The following L1TD1 variants were observed in gnomAD, a reference collection of about 807,000 sequenced individuals.
L1TD1 encodes the protein LINE1 type transposase domain containing 1, also known as LINE-1 type transposase domain-containing protein 1.
A neutral mutation model predicts 25.7 loss-of-function variants in L1TD1; 26 were observed. The ratio of observed to expected loss-of-function variants is 1.01; its 90% CI spans 0.74 to 1.40. The LOEUF is 1.40. L1TD1 is among the 40% of genes most tolerant of loss of function. L1TD1 has a pLI of 0.00. For synonymous variants in L1TD1, 421 were observed against 335.6 expected (o/e 1.25, Z -2.78); for missense variants, 1,130 against 975.0 (o/e 1.16, Z -2.12).
At position 62,206,654 on chromosome 1, in the gene L1TD1, A is replaced by C; in HGVS notation, c.26A>C (p.Gln9Pro). 6.5e-7 allele frequency: 1 copy of C among 1,545,948 alleles called. No homozygotes were observed. Among genetic ancestry groups the C allele is most frequent in the Non-Finnish European group, 8.7e-7 (1 of 1,145,244 alleles). ...ATGTCTGATGTATCTACTAGTGTAC[A>C]ATCAAAATTTGCTAGACTTGCAAAG... Reference protein sequence around the residue: MSDVSTSVQSKFARLAKKK... With the variant: MSDVSTSVPSKFARLAKKK... Residue 9 changes from glutamine to proline, a missense_variant, in exon 3 of 4, where the codon CAA becomes CCA. Coordinates refer to ENST00000498273, the MANE Select transcript of L1TD1 (RefSeq NM_019079.5).
intron 2 of L1TD1, among the ~76,000 whole-genome samples, chr1:62,196,820 G>C (rs1670551998): frequency 6.6e-6 from 1 of 152,002 alleles, no homozygotes; most frequent in South Asian, 2.1e-4. Flanking sequence ...TCGAGCTCCT[G>C]ACCTCAGGTG....
chr1:62,205,192 CA>C (rs112608532), intron 2 of L1TD1, among the ~76,000 whole-genome samples: 2 of 149,132 alleles, frequency 1.3e-5, no homozygotes, highest in Non-Finnish European at 1.5e-5. Flanking sequence ...ACTAAAAATA[CA>C]AAAAAAAATT....
At chr1:62,201,207 G>A (rs1176836872) in intron 2 of L1TD1, among the ~76,000 whole-genome samples, 1 of 152,076 alleles carries the variant, frequency 6.6e-6, no homozygotes, top group Non-Finnish European at 1.5e-5. Flanking sequence ...GGGATTACAG[G>A]CATAAGCCAC....
rs2149097402 is a variant in L1TD1 at position 62,196,426 on chromosome 1, G to A, written c.-204-9G>A. The A allele has an allele frequency of 6.6e-6, 1 of 152,264 alleles. No homozygotes were observed. The highest frequency in any genetic ancestry group is 2.1e-4 in the South Asian group (1 of 4,816). 9.4% of individuals were successfully genotyped at this position (152,264 alleles called of 1,614,324 possible). On this transcript the variant is annotated splice_polypyrimidine_tract_variant and intron_variant, in intron 1 of 3. Coordinates refer to ENST00000498273, the MANE Select transcript of L1TD1 (RefSeq NM_019079.5). ...AACTTTGGTGTTATGAACTTGACTT[G>A]AATTCTAGGCACCAAGGCACAGCTT...
intron 2 of L1TD1, among the ~76,000 whole-genome samples, chr1:62,205,377 CT>C: frequency 1.2e-5 from 1 of 80,664 alleles, no homozygotes; most frequent in Non-Finnish European, 2.5e-5. Context: ...CTCTCTTTCT[CT>C]CTCTCTCTCT....
Position 62,210,467 on chromosome 1 carries a change from A to G in L1TD1, c.1693A>G (p.Ser565Gly), listed in dbSNP as rs754759991. 5 of 1,614,100 alleles carry G rather than the reference A, an allele frequency of 3.1e-6. No homozygotes were observed. The highest frequency in any genetic ancestry group is 4.2e-6 in the Non-Finnish European group (5 of 1,180,050). ...LASPSKSLEMSHDEHKKHSHT... is the reference protein window; with the variant it reads ...LASPSKSLEMGHDEHKKHSHT... ...CTCTCCCTCAAAGTCACTAGAGATGAGTCATGATGAGCATAAAAAGCATTC... is the reference window on the plus strand; with the variant it reads ...CTCTCCCTCAAAGTCACTAGAGATGGGTCATGATGAGCATAAAAAGCATTC... The change falls in exon 4 of 4, where the codon AGT becomes GGT. Residue 565 changes from serine to glycine, a missense_variant. Coordinates refer to ENST00000498273, the MANE Select transcript of L1TD1 (RefSeq NM_019079.5).
chr1:62,202,214 C>T (rs1275046426), intron 2 of L1TD1, among the ~76,000 whole-genome samples: 1 of 151,840 alleles, frequency 6.6e-6, no homozygotes, highest in Non-Finnish European at 1.5e-5. Context: ...GCAGGAGAAT[C>T]GCTTGAACCT....
rs1444820896 is a variant in L1TD1, at chr1:62,210,442, C to G, written c.1668C>G (p.Ala556=). 6.2e-7 allele frequency: 1 copy of G among 1,614,116 alleles called. No homozygotes were observed. The highest frequency in any genetic ancestry group is 1.1e-5 in the South Asian group (1 of 91,078). Reference sequence around the variant, plus strand: ...CACCCTGTCTGACCTTATGTTTGGCCTCTCCCTCAAAGTCACTAGAGATGA... The same window carrying G: ...CACCCTGTCTGACCTTATGTTTGGCGTCTCCCTCAAAGTCACTAGAGATGA... ...TGTPCLTLCL[A]SPSKSLEMSH... Residue 556 remains alanine, a synonymous_variant, in exon 4 of 4, where the codon GCC becomes GCG. Coordinates refer to ENST00000498273, the MANE Select transcript of L1TD1 (RefSeq NM_019079.5).
chr1:62,210,874 C>G lies in L1TD1; in HGVS notation c.2100C>G (p.Cys700Trp), dbSNP rs1670854047. 3 of 1,551,156 alleles carry G rather than the reference C, an allele frequency of 1.9e-6. No individual in the cohort carries two copies. In the African/African-American group the frequency reaches 4.1e-5, roughly 21 times the overall value. ...ATATAGAGGAGAGATCTAGAAGTTGCAACATTCGTTTGATAGGAATTCCAG... is the reference window on the plus strand; with the variant it reads ...ATATAGAGGAGAGATCTAGAAGTTGGAACATTCGTTTGATAGGAATTCCAG... ...QRDIEERSRS[C>W]NIRLIGIPEK... Residue 700 changes from cysteine to tryptophan, a missense_variant, in exon 4 of 4, where the codon TGC (cysteine) becomes TGG (tryptophan). By Grantham distance (215) the Cys-to-Trp change is radical (BLOSUM62 -2). Coordinates refer to ENST00000498273, the MANE Select transcript of L1TD1 (RefSeq NM_019079.5).
rs761556976 is a variant in L1TD1 at position 62,211,215 on chromosome 1, T to C, written c.2441T>C (p.Leu814Pro). 6.4e-7 allele frequency: 1 copy of C among 1,557,498 alleles called. No homozygotes were observed. The highest frequency in any genetic ancestry group is 2.0e-5 in the Admixed American group (1 of 51,226). ...AAATGGAGCAATGTCTTCAAAGTTCTGCTGGAAAAAGGCTTTAATCCTAGA... is the reference window on the plus strand; with the variant it reads ...AAATGGAGCAATGTCTTCAAAGTTCCGCTGGAAAAAGGCTTTAATCCTAGA... ...RSKWSNVFKV[L>P]LEKGFNPRIL... Residue 814 changes from leucine (L) to proline (P), a missense_variant, in exon 4 of 4, where the codon CTG becomes CCG. Leu to Pro is a moderately conservative substitution (Grantham distance 98, BLOSUM62 -3). Coordinates refer to ENST00000498273, the MANE Select transcript of L1TD1 (RefSeq NM_019079.5).
chr1:62,204,309 C>T (rs1670694925), intron 2 of L1TD1, among the ~76,000 whole-genome samples: 1 of 151,928 alleles, frequency 6.6e-6, no homozygotes, highest in African/African-American at 2.4e-5. Context: ...TTTATTCTTT[C>T]TAGAAAATTC....
chr1:62,205,535 A>T (rs1670729569), intron 2 of L1TD1, among the ~76,000 whole-genome samples: 1 of 146,588 alleles, frequency 6.8e-6, no homozygotes, highest in Admixed American at 7.0e-5. Context: ...AGGTTCAAGC[A>T]ATTCTTATGC....
chr1:62,206,857 C>A lies in L1TD1; in HGVS notation c.229C>A (p.Leu77Ile). ...GATGAGGGAAACTCTTAAAAATGAC[C>A]TAAAAGCAGTTTTAGGGGGAAAAGC... Reference protein sequence around the residue: ...EEMRETLKNDLKAVLGGKATI... With the variant: ...EEMRETLKNDIKAVLGGKATI... Residue 77 changes from leucine to isoleucine, a missense_variant, in exon 3 of 4, where the codon CTA (leucine) becomes ATA (isoleucine). By Grantham distance (5) the Leu-to-Ile change is conservative (BLOSUM62 2). Coordinates refer to ENST00000498273, the MANE Select transcript of L1TD1 (RefSeq NM_019079.5). 1 of 1,612,902 alleles carries A rather than the reference C, an allele frequency of 6.2e-7. No homozygotes were observed. Among genetic ancestry groups the A allele is most frequent in the Non-Finnish European group, 8.5e-7 (1 of 1,179,578 alleles).
chr1:62,208,664 A>C (rs1209903353), intron 3 of L1TD1, among the ~76,000 whole-genome samples: 1 of 152,064 alleles, frequency 6.6e-6, no homozygotes, highest in East Asian at 1.9e-4. Context: ...CTTTTTATAG[A>C]GACGAGGTTT....
chr1:62,209,745 CA>C, intron 3 of L1TD1, 37 bp from the exon 4 acceptor site: 1 of 1,385,662 alleles, frequency 7.2e-7, no homozygotes, highest in Non-Finnish European at 9.7e-7. Context: ...ATGATTTAAA[CA>C]AATAACTCTT....
At position 62,207,203 on chromosome 1, in the gene L1TD1, T is replaced by C; in HGVS notation, c.575T>C (p.Leu192Ser). Residue 192 changes from leucine to serine, a missense_variant, in exon 3 of 4, where the codon TTA becomes TCA. Physicochemically the swap from Leu to Ser is moderately radical, Grantham distance 145 (BLOSUM62 -2). Coordinates refer to ENST00000498273, the MANE Select transcript of L1TD1 (RefSeq NM_019079.5). ...DDRDGNRNVH[L>S]EFTERESRKD... ...AGAGATGGAAATCGCAATGTCCATT[T>C]AGAATTTACAGAAAGAGAGAGTAGG... 6.4e-7 allele frequency: 1 copy of C among 1,551,970 alleles called. No homozygotes were observed. The highest frequency in any genetic ancestry group is 1.2e-5 in the South Asian group (1 of 84,190).
Position 62,209,825 on chromosome 1 carries a change from A to G in L1TD1, c.1051A>G (p.Thr351Ala). The change falls in exon 4 of 4, where the codon ACC becomes GCC. Residue 351 changes from threonine (T) to alanine (A), a missense_variant. Coordinates refer to ENST00000498273, the MANE Select transcript of L1TD1 (RefSeq NM_019079.5). ...CTCAAAGCATAGAGCTGGAGAAATA[A>G]CCAGTGATGGCTTGAGCTTCCTATT... is the stretch of plus-strand genomic sequence containing the variant. ...IDSKHRAGEI[T>A]SDGLSFLFLK... 1 of 1,612,274 alleles carries G rather than the reference A, an allele frequency of 6.2e-7. No homozygotes were observed. Among genetic ancestry groups the G allele is most frequent in the Non-Finnish European group, 8.5e-7 (1 of 1,179,392 alleles).
chr1:62,201,686 T>A (rs1285102077), intron 2 of L1TD1, among the ~76,000 whole-genome samples: 1 of 152,144 alleles, frequency 6.6e-6, no homozygotes, highest in African/African-American at 2.4e-5. Context: ...GTAGCTCTTA[T>A]AAAATAAGGA....
chr1:62,197,397 T>TTTTATATATATATATATATATATA (rs1269544269), intron 2 of L1TD1, among the ~76,000 whole-genome samples: 2 of 80,836 alleles, frequency 2.5e-5, no homozygotes, highest in African/African-American at 7.9e-5. Flanking sequence ...AAAAAATAAA[T>TTTTATATATATATATATATATATA]TATATATATA....
Sources: allele counts gnomAD v4.1 joint callset (sites outside exome capture counted in the v4.1 genomes callset), GRCh38; gene constraint gnomAD v4.1.1; transcripts MANE v1.5; gene names NCBI Gene and HGNC (gene_info 2026-07-23, HGNC 2026-07-21).